The following TNR variants were observed in gnomAD, a reference collection of about 807,000 sequenced individuals.
The protein encoded by TNR is tenascin-R.
A neutral mutation model predicts 150.4 loss-of-function variants in TNR; 45 were observed. That is an observed-to-expected ratio of 0.30 (90% CI 0.24 to 0.38). The LOEUF (loss-of-function observed/expected upper bound fraction) is 0.38, where lower values mean the gene tolerates loss of function less well. Among genes scored for constraint, TNR ranks in the 10% least tolerant of loss-of-function variants. TNR has a pLI of 1.00. For synonymous variants in TNR, 687 were observed against 678.4 expected (o/e 1.01, Z -0.20); for missense variants, 1,544 against 1,759.1 (o/e 0.88, Z 2.19).
chr1:175,415,243 GA>G, intron 2 of TNR, among the ~76,000 whole-genome samples: 1 of 151,832 alleles, frequency 6.6e-6, no homozygotes, highest in Non-Finnish European at 1.5e-5. Flanking sequence ...TATGAAAGAC[GA>G]GGGTGTAATG....
chr1:175,717,825 G>A (rs374485431), intron 1 of TNR, among the ~76,000 whole-genome samples: 7 of 152,166 alleles, frequency 4.6e-5, no homozygotes, highest in Admixed American at 3.3e-4. Context: ...CTGCATGCAG[G>A]GTGTCCTCAT....
At chr1:175,526,791 T>C (rs933277658) in intron 2 of TNR, among the ~76,000 whole-genome samples, 2 of 152,214 alleles carry the variant, frequency 1.3e-5, no homozygotes, top group Non-Finnish European at 2.9e-5. Context: ...CAAGGAGCCA[T>C]GAGGGGACCT....
At chr1:175,516,284 G>C (rs1312152818) in intron 2 of TNR, among the ~76,000 whole-genome samples, 1 of 152,108 alleles carries the variant, frequency 6.6e-6, no homozygotes, top group Admixed American at 6.6e-5. Context: ...TTTATTAAAG[G>C]GGGACTCAGT....
chr1:175,432,862 A>C (rs577342450), intron 2 of TNR, among the ~76,000 whole-genome samples: 1 of 152,326 alleles, frequency 6.6e-6, no homozygotes, highest in Non-Finnish European at 1.5e-5. Flanking sequence ...CAAAGACTGC[A>C]TATCCCAGTC....
intron 1 of TNR, among the ~76,000 whole-genome samples, chr1:175,531,101 G>T (rs1263474906): frequency 6.6e-6 from 1 of 152,154 alleles, no homozygotes; most frequent in African/African-American, 2.4e-5. Flanking sequence ...CTGTATTCCA[G>T]TCCTATCCTC....
At chr1:175,718,427 C>T (rs1462737061) in intron 1 of TNR, among the ~76,000 whole-genome samples, 1 of 152,216 alleles carries the variant, frequency 6.6e-6, no homozygotes, top group Non-Finnish European at 1.5e-5. Context: ...TATTCATCCC[C>T]TGAAACCCCA....
At chr1:175,656,171 T>TGG (rs1665168743) in intron 1 of TNR, among the ~76,000 whole-genome samples, 1 of 151,136 alleles carries the variant, frequency 6.6e-6, no homozygotes, top group Non-Finnish European at 1.5e-5. Context: ...TGTGTGTGTG[T>TGG]GTGTGTGTGT....
chr1:175,486,288 C>A (rs141860437), intron 2 of TNR, among the ~76,000 whole-genome samples: 1 of 151,572 alleles, frequency 6.6e-6, no homozygotes, highest in Non-Finnish European at 1.5e-5. Context: ...CCCCACCCCT[C>A]GACAGGCCCT....
intron 2 of TNR, among the ~76,000 whole-genome samples, chr1:175,452,534 C>A (rs1185170052): frequency 1.3e-5 from 2 of 152,190 alleles, no homozygotes; most frequent in African/African-American, 4.8e-5. Flanking sequence ...AGATTTGGTG[C>A]AAAGGCCCTC....
chr1:175,633,041 C>G (rs1386026278), intron 1 of TNR, among the ~76,000 whole-genome samples: 1 of 152,104 alleles, frequency 6.6e-6, no homozygotes, highest in Non-Finnish European at 1.5e-5. Context: ...ATACACTGTC[C>G]CCTCTATCTG....
intron 4 of TNR, 26 bp downstream of exon 4, chr1:175,403,114 A>C: frequency 6.3e-5 from 100 of 1,578,188 alleles, no homozygotes; most frequent in Middle Eastern, 1.8e-4. Context: ...CCCTTGCCAA[A>C]CACCCCAGAG....
At chr1:175,738,396 T>C (rs1667833511) in intron 1 of TNR, among the ~76,000 whole-genome samples, 1 of 152,216 alleles carries the variant, frequency 6.6e-6, no homozygotes, top group Non-Finnish European at 1.5e-5. Flanking sequence ...GAGGACATTA[T>C]GCTAAATAAA....
chr1:175,588,131 A>C (rs1289494636), intron 1 of TNR, among the ~76,000 whole-genome samples: 2 of 152,232 alleles, frequency 1.3e-5, no homozygotes, highest in Non-Finnish European at 2.9e-5. Flanking sequence ...CTGCTTTTAG[A>C]GATAATGAGT....
chr1:175,621,014 C>T (rs776407443), intron 1 of TNR, among the ~76,000 whole-genome samples: 8 of 152,158 alleles, frequency 5.3e-5, no homozygotes, highest in Middle Eastern at 6.3e-3. Context: ...ATTCTAAATG[C>T]GAAATGCTAT....
At chr1:175,692,422 G>A (rs149396626) in intron 1 of TNR, among the ~76,000 whole-genome samples, 15 of 152,346 alleles carry the variant, frequency 9.8e-5, no homozygotes, top group South Asian at 2.1e-4. Flanking sequence ...ATATGTGTGC[G>A]TGGCATCTGC....
chr1:175,468,294 C>A (rs1214418233), intron 2 of TNR, among the ~76,000 whole-genome samples: 1 of 152,152 alleles, frequency 6.6e-6, no homozygotes, highest in African/African-American at 2.4e-5. Context: ...ATTTAATTTC[C>A]TCAATCATAT....
chr1:175,391,811 C>G (rs1557903401), intron 6 of TNR, among the ~76,000 whole-genome samples: 1 of 152,190 alleles, frequency 6.6e-6, no homozygotes, highest in Admixed American at 6.5e-5. Context: ...TGGCATTTAT[C>G]GTAATGAACA....
At chr1:175,567,701 C>T (rs1447876939) in intron 1 of TNR, among the ~76,000 whole-genome samples, 1 of 152,070 alleles carries the variant, frequency 6.6e-6, no homozygotes, top group Non-Finnish European at 1.5e-5. Context: ...CTGCACAAGC[C>T]CCTCCCTGCT....
chr1:175,448,099 C>T (rs894274059), intron 2 of TNR, among the ~76,000 whole-genome samples: 3 of 152,190 alleles, frequency 2.0e-5, no homozygotes, highest in South Asian at 4.1e-4. Flanking sequence ...ACCCAGTGAC[C>T]TCCACCTGTA....
Sources: gnomAD v4.1 joint callset for allele counts (sites outside exome capture counted in the v4.1 genomes callset) on GRCh38, gnomAD v4.1.1 for gene constraint, MANE v1.5 for transcripts, NCBI Gene and HGNC (gene_info 2026-07-23, HGNC 2026-07-21) for gene names.